The following SLC25A12 variants were observed in gnomAD, a reference collection of about 807,000 sequenced individuals.
The protein encoded by SLC25A12 is electrogenic aspartate/glutamate antiporter SLC25A12, mitochondrial.
A neutral mutation model predicts 83.3 loss-of-function variants in SLC25A12; 32 were observed. The ratio of observed to expected loss-of-function variants is 0.38; its 90% CI spans 0.29 to 0.52. The LOEUF is 0.52. Among genes scored for constraint, SLC25A12 ranks in the 20% least tolerant of loss-of-function variants. The pLI, the probability that SLC25A12 is intolerant of heterozygous loss-of-function variation, is 0.84. For synonymous variants in SLC25A12, 267 were observed against 291.1 expected (o/e 0.92, Z 0.84); for missense variants, 611 against 835.6 (o/e 0.73, Z 3.31).
intron 4 of SLC25A12, among the ~76,000 whole-genome samples, chr2:171,848,642 C>T (rs973514414): frequency 2.6e-5 from 4 of 152,122 alleles, no homozygotes; most frequent in Non-Finnish European, 5.9e-5. Context: ...AAACAAACAA[C>T]AACAACAAAA....
In SLC25A12 at chr2:171,783,998, G is replaced by C. The variant is rs568031600; in HGVS notation, c.*1276C>G. 1.3e-5 allele frequency among the ~76,000 whole-genome samples: 2 copies of C among 152,276 alleles called. No individual in the cohort carries two copies. The highest frequency in any genetic ancestry group is 2.9e-5 in the Non-Finnish European group (2 of 68,028). On this transcript the variant is annotated 3_prime_UTR_variant, in exon 18 of 18. Coordinates refer to ENST00000422440, the MANE Select transcript of SLC25A12 (RefSeq NM_003705.5). ...GCAGTAGCAATAATGTCTTCCCAGA[G>C]CACTTTGGTAAGGTAAATAAATTCT...
At position 171,785,141 on chromosome 2, in the gene SLC25A12, T is replaced by C; in HGVS notation, c.*133A>G. 2.6e-6 allele frequency: 2 copies of C among 784,282 alleles called. No individual in the cohort carries two copies. Among genetic ancestry groups the C allele is most frequent in the Non-Finnish European group, 4.4e-6 (2 of 453,770 alleles). The allele number at this position is 784,282 out of a possible 1,614,324, so 48.6% of individuals were successfully genotyped here. On this transcript the variant is annotated 3_prime_UTR_variant, in exon 18 of 18. Transcript: ENST00000422440. ...ATTATTTTATAAACAAGTATATGTA[T>C]ATGTCATACAGAAAGAAGAGTTTGA... is the stretch of plus-strand genomic sequence containing the variant.
chr2:171,834,598 G>A (rs1684517090), intron 7 of SLC25A12, 129 bp downstream of exon 7: 1 of 1,057,530 alleles, frequency 9.5e-7, no homozygotes, highest in African/African-American at 1.6e-5. Flanking sequence ...CCCAAGTAAA[G>A]CATACATACA....
At chr2:171,812,574 T>C (rs911841647) in intron 11 of SLC25A12, among the ~76,000 whole-genome samples, 3 of 150,848 alleles carry the variant, frequency 2.0e-5, no homozygotes, top group East Asian at 4.0e-4. Context: ...AACACATACA[T>C]GAAAGTCATT....
chr2:171,884,541 A>T (rs1410506580), intron 2 of SLC25A12, among the ~76,000 whole-genome samples: 1 of 147,432 alleles, frequency 6.8e-6, no homozygotes, highest in African/African-American at 2.5e-5. Flanking sequence ...AGGCCGAGGC[A>T]GGTACATCAC....
At chr2:171,811,989 C>T (rs1683954758) in intron 11 of SLC25A12, among the ~76,000 whole-genome samples, 1 of 152,136 alleles carries the variant, frequency 6.6e-6, no homozygotes, top group Non-Finnish European at 1.5e-5. Flanking sequence ...TCTGGATATG[C>T]AGGGTTTAAT....
chr2:171,876,588 G>A (rs1685580218), intron 2 of SLC25A12, among the ~76,000 whole-genome samples: 1 of 149,672 alleles, frequency 6.7e-6, no homozygotes, highest in South Asian at 2.1e-4. Flanking sequence ...AGCCTCCTGA[G>A]TAGCTGGGAC....
chr2:171,828,521 T>G (rs1684359675), intron 8 of SLC25A12, among the ~76,000 whole-genome samples: 1 of 152,226 alleles, frequency 6.6e-6, no homozygotes, highest in Non-Finnish European at 1.5e-5. Context: ...ATCTTGTTTC[T>G]TTTGTCATCA....
intron 13 of SLC25A12, among the ~76,000 whole-genome samples, chr2:171,797,525 A>G (rs1683623649): frequency 6.6e-6 from 1 of 152,236 alleles, no homozygotes; most frequent in Non-Finnish European, 1.5e-5. Context: ...TTAAATTTCA[A>G]AACATATGAA....
chr2:171,788,582 G>A (rs2105833720), intron 15 of SLC25A12: 1 of 154,464 alleles, frequency 6.5e-6, no homozygotes, highest in African/African-American at 2.4e-5. Flanking sequence ...CTGTGCCCGA[G>A]CTCCCTGGGG....
Position 171,813,359 on chromosome 2 carries a change from C to A in SLC25A12, c.1151G>T (p.Gly384Val). The part of the protein sequence containing the change: ...DCFKKVLRYE[G>V]FFGLYRGLIP... ...CTCACCCCTGTAGAGTCCAAAGAAG[C>A]CCTCATAACGCAAGACTTTCTTAAA... Residue 384 changes from glycine to valine, a missense_variant, in exon 11 of 18, where the codon GGC becomes GTC. Transcript: ENST00000422440. The A allele has an allele frequency of 3.1e-6, 5 of 1,614,004 alleles. No individual in the cohort carries two copies. The highest frequency in any genetic ancestry group is 3.4e-6 in the Non-Finnish European group (4 of 1,179,940).
chr2:171,832,870 T>C (rs916316588), intron 8 of SLC25A12, among the ~76,000 whole-genome samples: 2 of 152,202 alleles, frequency 1.3e-5, no homozygotes, highest in African/African-American at 4.8e-5. Flanking sequence ...CCTATAAGAA[T>C]GTTGTTTTTA....
rs1339948280 is a variant in SLC25A12 at position 171,869,418 on chromosome 2, G to C, written c.67-595C>G. ...CTAAGAAAAGTGAAAGGGCAGCCAG[G>C]ACCTGAAAGTGACTCCCAGAGGCTT... On this transcript the variant is annotated intron_variant, in intron 2 of 17. Transcript: ENST00000422440. 2.0e-5 allele frequency among the ~76,000 whole-genome samples: 3 copies of C among 152,240 alleles called. No homozygotes were observed. In the East Asian group the frequency reaches 5.8e-4, roughly 29 times the overall value.
chr2:171,886,676 AT>A (rs1313861279), intron 2 of SLC25A12, among the ~76,000 whole-genome samples: 2 of 151,474 alleles, frequency 1.3e-5, no homozygotes, highest in South Asian at 2.1e-4. Context: ...TGCCCGGCTA[AT>A]TTTTTTGTAT....
chr2:171,800,949 A>T (rs1454361462), intron 13 of SLC25A12, among the ~76,000 whole-genome samples: 1 of 152,200 alleles, frequency 6.6e-6, no homozygotes, highest in Non-Finnish European at 1.5e-5. Context: ...GTAAGGGAGA[A>T]GGGACTGAAT....
At position 171,858,466 on chromosome 2, in the gene SLC25A12, C is replaced by T. The variant is rs185896063; in HGVS notation, c.210-2517G>A. Among the ~76,000 whole-genome samples the T allele has an allele frequency of 9.3e-4, 142 of 152,200 alleles. 1 individual carries two copies. The highest frequency in any genetic ancestry group is 3.2e-4 in the Non-Finnish European group (22 of 67,998). On this transcript the variant is annotated intron_variant, in intron 3 of 17. Coordinates refer to ENST00000422440, the MANE Select transcript of SLC25A12 (RefSeq NM_003705.5). ...TACACCTACCCTGAAATACAGAATA[C>T]GTAGCTTTAAAACAAATTTCATGCT...
At chr2:171,884,207 C>T (rs1685762533) in intron 2 of SLC25A12, among the ~76,000 whole-genome samples, 1 of 147,596 alleles carries the variant, frequency 6.8e-6, no homozygotes, top group Admixed American at 6.7e-5. Context: ...TTTTTTCCCC[C>T]CGAGACTGAG....
Position 171,894,219 on chromosome 2 carries a change from T to TG in SLC25A12, c.-6dup, listed in dbSNP as rs1686005058. 5 of 1,609,116 alleles carry TG rather than the reference T, an allele frequency of 3.1e-6. No homozygotes were observed. The highest frequency in any genetic ancestry group is 4.2e-6 in the Non-Finnish European group (5 of 1,177,908). On this transcript the variant is annotated 5_prime_UTR_variant, in exon 1 of 18. Coordinates refer to ENST00000422440, the MANE Select transcript of SLC25A12 (RefSeq NM_003705.5). Reference sequence around the variant, plus strand: ...TGGAGTCACCTTGACCGCCATGCTGTGCTCGGAAGCCGGGGACGAGCGAGT... The same window carrying TG: ...TGGAGTCACCTTGACCGCCATGCTGTGGCTCGGAAGCCGGGGACGAGCGAGT...
At chr2:171,864,385 CCT>C (rs976480461) in intron 3 of SLC25A12, among the ~76,000 whole-genome samples, 3 of 152,122 alleles carry the variant, frequency 2.0e-5, no homozygotes, top group Non-Finnish European at 2.9e-5. Context: ...GCTTTTCTCC[CCT>C]GAGTTGAGTA....
Sources: allele counts gnomAD v4.1 joint callset (sites outside exome capture counted in the v4.1 genomes callset), GRCh38; gene constraint gnomAD v4.1.1; transcripts MANE v1.5; gene names NCBI Gene and HGNC (gene_info 2026-07-23, HGNC 2026-07-21).